Variants in GRIK4 observed in about 807,000 individuals in gnomAD.
The protein encoded by GRIK4 is glutamate ionotropic receptor kainate type subunit 4, also known as glutamate receptor ionotropic, kainate 4.
In GRIK4, 40 loss-of-function variants were observed where a neutral mutation model predicts 104.9. That is an observed-to-expected ratio of 0.38 (90% CI 0.30 to 0.50). GRIK4 has a LOEUF of 0.50. Among genes scored for constraint, GRIK4 ranks in the 20% least tolerant of loss-of-function variants. GRIK4 has a pLI of 0.93. For synonymous variants in GRIK4, 485 were observed against 524.9 expected (o/e 0.92, Z 1.04); for missense variants, 1,047 against 1,308.1 (o/e 0.80, Z 3.08).
At chr11:120,542,106 A>T (rs970800425) in intron 1 of GRIK4, among the ~76,000 whole-genome samples, 7 of 152,248 alleles carry the variant, frequency 4.6e-5, no homozygotes, top group Non-Finnish European at 7.3e-5. Context: ...GCATAAAAAC[A>T]CACATAGACC....
rs771887017 is a variant in GRIK4 at position 120,982,176 on chromosome 11, G to A, written c.2466G>A (p.Met822Ile). ...GTGGCTTAATCGTGGCCATTTTTAT[G>A]GCTATGTTGGAGTTTTTATGGACTC... The part of the protein sequence containing the change: ...LICGLIVAIF[M>I]AMLEFLWTLR... The change falls in exon 20 of 21, where the codon ATG (methionine) becomes ATA (isoleucine). Residue 822 changes from methionine to isoleucine, a missense_variant. Coordinates refer to ENST00000527524, the MANE Select transcript of GRIK4 (RefSeq NM_014619.5). 6.8e-5 allele frequency: 109 copies of A among 1,612,966 alleles called. No homozygotes were observed. The highest frequency in any genetic ancestry group is 8.5e-5 in the Non-Finnish European group (100 of 1,179,078).
intron 3 of GRIK4, among the ~76,000 whole-genome samples, chr11:120,662,028 A>C (rs535941706): frequency 6.6e-6 from 1 of 152,344 alleles, no homozygotes; most frequent in African/African-American, 2.4e-5. Flanking sequence ...GAGTGAATAA[A>C]GTGGCAACCC....
At position 120,988,073 on chromosome 11, in the gene GRIK4, C is replaced by T. The variant is rs549897966; in HGVS notation, c.*1813C>T. On this transcript the variant is annotated 3_prime_UTR_variant, in exon 21 of 21. Coordinates refer to ENST00000527524, the MANE Select transcript of GRIK4 (RefSeq NM_014619.5). ...TGGGTTGGTCGGCATCCTCTTTATG[C>T]CAGGACAATCAGTTAGGGCTGCCGT... 2.6e-5 allele frequency: 4 copies of T among 152,314 alleles called. No homozygotes were observed. Among genetic ancestry groups the T allele is most frequent in the African/African-American group, 9.6e-5 (4 of 41,550 alleles). 9.4% of individuals were successfully genotyped at this position (152,314 alleles called of 1,614,324 possible).
chr11:120,534,838 G>C (rs1475918867), intron 1 of GRIK4, among the ~76,000 whole-genome samples: 1 of 152,190 alleles, frequency 6.6e-6, no homozygotes, highest in African/African-American at 2.4e-5. Flanking sequence ...AGAGGTTTGA[G>C]GGAGCACTTC....
chr11:120,793,639 A>G (rs1952445639), intron 3 of GRIK4, among the ~76,000 whole-genome samples: 1 of 150,470 alleles, frequency 6.6e-6, no homozygotes, highest in Non-Finnish European at 1.5e-5. Context: ...GAGCCCAGCA[A>G]TGGTTACAGG....
At chr11:120,539,144 C>A (rs1948007314) in intron 1 of GRIK4, among the ~76,000 whole-genome samples, 1 of 152,270 alleles carries the variant, frequency 6.6e-6, no homozygotes, top group East Asian at 1.9e-4. Flanking sequence ...GGAAGGTACC[C>A]CTCAAAGGGA....
intron 1 of GRIK4, among the ~76,000 whole-genome samples, chr11:120,612,102 T>G (rs1226625736): frequency 2.0e-5 from 3 of 152,214 alleles, no homozygotes; most frequent in African/African-American, 7.2e-5. Flanking sequence ...TTCATTCTTC[T>G]CCTGACATGC....
chr11:120,832,898 G>A (rs1953466586), intron 7 of GRIK4, among the ~76,000 whole-genome samples: 2 of 152,198 alleles, frequency 1.3e-5, no homozygotes, highest in African/African-American at 4.8e-5. Flanking sequence ...GAGAGAACGG[G>A]CCCCGTTTCC....
At chr11:120,897,645 A>G (rs1366433196) in intron 11 of GRIK4, among the ~76,000 whole-genome samples, 2 of 128,888 alleles carry the variant, frequency 1.6e-5, no homozygotes, top group Non-Finnish European at 3.5e-5. Context: ...TCTCATATTA[A>G]GTGTTCTTAT....
intron 3 of GRIK4, among the ~76,000 whole-genome samples, chr11:120,664,910 T>C (rs1377799859): frequency 1.3e-5 from 2 of 152,156 alleles, no homozygotes; most frequent in Admixed American, 1.3e-4. Context: ...ATTGCAGCAA[T>C]TGAATCTCTC....
intron 3 of GRIK4, among the ~76,000 whole-genome samples, chr11:120,714,380 ATCCAC>A (rs751708050): frequency 2.0e-5 from 3 of 152,324 alleles, no homozygotes; most frequent in South Asian, 4.1e-4. Flanking sequence ...CCCTTTCTTA[ATCCAC>A]TCGCGCTATT....
In GRIK4 at chr11:120,986,261, TC is replaced by T; in HGVS notation, c.*4del. On this transcript the variant is annotated 3_prime_UTR_variant, in exon 21 of 21. Transcript: ENST00000527524. ...CACCAACAGCAGCGAGCCCGAGTAG[TC>T]CCGGAGGCCACAGGACGCGCAGAGG... 7.2e-7 allele frequency: 1 copy of T among 1,380,206 alleles called. No individual in the cohort carries two copies. The allele number at this position is 1,380,206 out of a possible 1,614,324, so 85.5% of individuals were successfully genotyped here. A position where few individuals can be genotyped will look rare whatever the true frequency, so the allele number is the denominator to read the frequency against.
chr11:120,618,556 G>T (rs1949143834), intron 1 of GRIK4, among the ~76,000 whole-genome samples: 1 of 152,218 alleles, frequency 6.6e-6, no homozygotes, highest in Non-Finnish European at 1.5e-5. Flanking sequence ...AGACCATTGT[G>T]GCAGCTTGTC....
chr11:120,860,111 C>A (rs191028488), intron 8 of GRIK4, among the ~76,000 whole-genome samples: 31 of 152,348 alleles, frequency 2.0e-4, no homozygotes, highest in Non-Finnish European at 3.7e-4. Context: ...CACTTGCCAT[C>A]TGTCATGTCA....
chr11:120,596,428 G>A (rs1224527594), intron 1 of GRIK4, among the ~76,000 whole-genome samples: 1 of 152,228 alleles, frequency 6.6e-6, no homozygotes, highest in Non-Finnish European at 1.5e-5. Flanking sequence ...ATCTTCCAGG[G>A]AAGTAGAAGA....
At chr11:120,679,816 C>T (rs984965810) in intron 3 of GRIK4, among the ~76,000 whole-genome samples, 1 of 152,210 alleles carries the variant, frequency 6.6e-6, no homozygotes, top group Non-Finnish European at 1.5e-5. Context: ...GAAGCCTTCA[C>T]AGGCAGGCTG....
At chr11:120,820,039 G>C in intron 6 of GRIK4, 119 bp downstream of exon 6, 2 of 893,368 alleles carry the variant, frequency 2.2e-6, no homozygotes, top group Non-Finnish European at 3.6e-6. Context: ...AGATCCACAG[G>C]GCTGATAACC....
chr11:120,706,713 A>G (rs1950636459), intron 3 of GRIK4, among the ~76,000 whole-genome samples: 1 of 152,136 alleles, frequency 6.6e-6, no homozygotes, highest in African/African-American at 2.4e-5. Context: ...TCAAAGCAAT[A>G]TGTGAGGTTG....
chr11:120,606,638 A>G (rs970020589), intron 1 of GRIK4, among the ~76,000 whole-genome samples: 1 of 152,206 alleles, frequency 6.6e-6, no homozygotes, highest in Non-Finnish European at 1.5e-5. Flanking sequence ...TACGATGGAA[A>G]GCTGTTGTGC....
Sources: gnomAD v4.1 joint callset for allele counts (sites outside exome capture counted in the v4.1 genomes callset) on GRCh38, gnomAD v4.1.1 for gene constraint, MANE v1.5 for transcripts, NCBI Gene and HGNC (gene_info 2026-07-23, HGNC 2026-07-21) for gene names.